Variants in TLN2 observed in about 807,000 individuals in gnomAD.
TLN2 encodes the protein talin-2.
In TLN2, 118 loss-of-function variants were observed where a neutral mutation model predicts 294.7. The ratio of observed to expected loss-of-function variants is 0.40; its 90% CI spans 0.34 to 0.47. The LOEUF (loss-of-function observed/expected upper bound fraction) is 0.47, where lower values mean the gene tolerates loss of function less well. TLN2 is among the 20% of genes least tolerant of loss of function. The probability of loss-of-function intolerance (pLI) is 0.84; values close to 1 mark genes in which losing one functional copy is unlikely to be tolerated. For synonymous variants in TLN2, 1,431 were observed against 1,304.5 expected (o/e 1.10, Z -2.09); for missense variants, 3,083 against 3,282.2 (o/e 0.94, Z 1.48).
chr15:62,627,339 G>C (rs147319737), intron 3 of TLN2, among the ~76,000 whole-genome samples: 1 of 152,218 alleles, frequency 6.6e-6, no homozygotes, highest in South Asian at 2.1e-4. Flanking sequence ...GAGATGAAGT[G>C]ATAGGTGTTC....
rs2067895947 is a variant in TLN2 at position 62,824,811 on chromosome 15, G to A, written c.7002+4201G>A. Among the ~76,000 whole-genome samples, 2 of 152,202 alleles carry A rather than the reference G, an allele frequency of 1.3e-5. 1 individual carries two copies. The highest frequency in any genetic ancestry group is 2.9e-5 in the Non-Finnish European group (2 of 68,038). On this transcript the variant is annotated intron_variant, in intron 54 of 58. Transcript: ENST00000636159. ...GTTTTGACCTCTTCCTTATAGAAAAGCCTGTGAAGTATGTGTGAGTTCATT... is the reference window on the plus strand; with the variant it reads ...GTTTTGACCTCTTCCTTATAGAAAAACCTGTGAAGTATGTGTGAGTTCATT...
intron 3 of TLN2, among the ~76,000 whole-genome samples, chr15:62,622,246 A>T (rs902643587): frequency 2.0e-5 from 3 of 152,242 alleles, no homozygotes; most frequent in Non-Finnish European, 4.4e-5. Flanking sequence ...TCCAGGTGAT[A>T]CAATGAGATA....
At chr15:62,535,775 G>A (rs930303189) in intron 1 of TLN2, among the ~76,000 whole-genome samples, 11 of 152,002 alleles carry the variant, frequency 7.2e-5, no homozygotes, top group South Asian at 4.1e-4. Flanking sequence ...GGCTGGTCTC[G>A]AACTCCTGAC....
At chr15:62,797,540 C>G in intron 48 of TLN2, 138 bp downstream of exon 48, 1 of 1,048,408 alleles carries the variant, frequency 9.5e-7, no homozygotes, top group Non-Finnish European at 1.3e-6. Context: ...TTTGAGGAAC[C>G]GGTAGGAGGC....
At chr15:62,649,189 A>G (rs1323922308) in intron 4 of TLN2, among the ~76,000 whole-genome samples, 1 of 152,150 alleles carries the variant, frequency 6.6e-6, no homozygotes, top group Non-Finnish European at 1.5e-5. Flanking sequence ...TAGATTACTC[A>G]GAAATAAGGT....
intron 46 of TLN2, among the ~76,000 whole-genome samples, chr15:62,793,686 T>A (rs984376612): frequency 2.0e-5 from 3 of 152,076 alleles, no homozygotes; most frequent in Non-Finnish European, 2.9e-5. Context: ...GCGAGTCTTT[T>A]GCTTTGCTTT....
chr15:62,475,185 A>G (rs2037718839), intron 1 of TLN2, among the ~76,000 whole-genome samples: 2 of 152,198 alleles, frequency 1.3e-5, no homozygotes, highest in South Asian at 4.1e-4. Flanking sequence ...ATTATTTCCT[A>G]AGAGATATGG....
chr15:62,700,757 A>G (rs1344607090), intron 16 of TLN2, among the ~76,000 whole-genome samples: 1 of 152,220 alleles, frequency 6.6e-6, no homozygotes, highest in African/African-American at 2.4e-5. Context: ...TATTAGTGCT[A>G]ATGTGCAGTA....
At chr15:62,725,324 C>A (rs931541726) in intron 27 of TLN2, among the ~76,000 whole-genome samples, 1 of 152,122 alleles carries the variant, frequency 6.6e-6, no homozygotes, top group African/African-American at 2.4e-5. Flanking sequence ...GCTGTGCACG[C>A]GTCCCATATC....
At position 62,833,486 on chromosome 15, in the gene TLN2, GTT is replaced by G; in HGVS notation, c.7003-15_7003-14del. 6.2e-7 allele frequency: 1 copy of G among 1,612,176 alleles called. No individual in the cohort carries two copies. On this transcript the variant is annotated splice_polypyrimidine_tract_variant and intron_variant, in intron 54 of 58. Transcript: ENST00000636159. The stretch of plus-strand genomic sequence containing the variant: ...GTGGATATGAATTGAATGTGATGCT[GTT>G]TTCTTTTGGTTATAGCAAGCGGATG...
chr15:62,571,193 G>T (rs959927090), intron 1 of TLN2, among the ~76,000 whole-genome samples: 2 of 152,190 alleles, frequency 1.3e-5, no homozygotes, highest in African/African-American at 4.8e-5. Flanking sequence ...CGGGAGATGA[G>T]CCTGACACTT....
intron 1 of TLN2, among the ~76,000 whole-genome samples, chr15:62,567,322 T>G (rs8036087): frequency 0.42 from 64,294 of 152,112 alleles, 13,875 homozygotes; most frequent in East Asian, 0.53. Flanking sequence ...ACATTGTGAT[T>G]ACTAGTTCAA....
chr15:62,573,349 C>A (rs775733183), intron 1 of TLN2, among the ~76,000 whole-genome samples: 1 of 152,136 alleles, frequency 6.6e-6, no homozygotes, highest in Non-Finnish European at 1.5e-5. Context: ...CCCCTCTGCC[C>A]TCCCACTGGC....
In TLN2 at chr15:62,716,184, G is replaced by T. The variant is rs772589250; in HGVS notation, c.2635-147G>T. On this transcript the variant is annotated intron_variant, in intron 22 of 58. Coordinates refer to ENST00000636159, the MANE Select transcript of TLN2 (RefSeq NM_015059.3). The stretch of plus-strand genomic sequence containing the variant: ...TGGTAGGTATTTTTTGTTGCATGAG[G>T]AAACATCTTCATCATAAAGATATTG... 1.3e-4 allele frequency: 139 copies of T among 1,062,656 alleles called. 2 individuals carry two copies. The highest frequency in any genetic ancestry group is 6.8e-4 in the Middle Eastern group (2 of 2,954). 65.8% of individuals were successfully genotyped at this position (1,062,656 alleles called of 1,614,324 possible). A position where few individuals can be genotyped will look rare whatever the true frequency, so the allele number is the denominator to read the frequency against.
intron 2 of TLN2, among the ~76,000 whole-genome samples, chr15:62,615,159 A>G (rs192308820): frequency 9.5e-4 from 145 of 152,348 alleles, no homozygotes; most frequent in African/African-American, 3.3e-3. Flanking sequence ...TTGAAAAGTC[A>G]TCTGAGAACA....
chr15:62,799,487 T>G (rs2065775181), intron 48 of TLN2, among the ~76,000 whole-genome samples: 1 of 152,170 alleles, frequency 6.6e-6, no homozygotes, highest in African/African-American at 2.4e-5. Context: ...CTCTGTGAAA[T>G]TAGAAAAGCA....
chr15:62,510,406 A>C (rs75529322), intron 1 of TLN2, among the ~76,000 whole-genome samples: 616 of 152,314 alleles, frequency 4.0e-3, no homozygotes, highest in Non-Finnish European at 6.0e-3. Flanking sequence ...TAAGCTGTAA[A>C]ATGGTGCTTA....
chr15:62,819,636 C>T lies in TLN2; in HGVS notation c.6877+15C>T, dbSNP rs1322832385. 9 of 1,605,142 alleles carry T rather than the reference C, an allele frequency of 5.6e-6. No homozygotes were observed. In the Admixed American group the frequency reaches 1.3e-4, roughly 24 times the overall value. ...AGCCATGAAAGGTAGGCTGGATTCT[C>T]ACGTCTTGGTGGAGGGCAACCCTCC... is the stretch of plus-strand genomic sequence containing the variant. On this transcript the variant is annotated intron_variant, in intron 53 of 58. Transcript: ENST00000636159.
chr15:62,403,416 T>C (rs1266223923), intron 1 of TLN2, among the ~76,000 whole-genome samples: 2 of 152,198 alleles, frequency 1.3e-5, no homozygotes, highest in Non-Finnish European at 2.9e-5. Flanking sequence ...TGCCAATTTT[T>C]GTTTTTTTGT....
Sources: gnomAD v4.1 joint callset for allele counts (sites outside exome capture counted in the v4.1 genomes callset) on GRCh38, gnomAD v4.1.1 for gene constraint, MANE v1.5 for transcripts, NCBI Gene and HGNC (gene_info 2026-07-23, HGNC 2026-07-21) for gene names.